The following OTOGL variants were observed in gnomAD, a reference collection of about 807,000 sequenced individuals.
OTOGL encodes the protein otogelin like, also known as otogelin-like protein.
Under a neutral mutation model 318.5 loss-of-function variants are expected in OTOGL, and 285 were observed. The ratio of observed to expected loss-of-function variants is 0.89; its 90% CI spans 0.81 to 0.99. OTOGL has a LOEUF of 0.99. OTOGL is among the 50% of genes least tolerant of loss of function. The pLI is 0.00. For synonymous variants in OTOGL, 987 were observed against 936.5 expected (o/e 1.05, Z -0.99); for missense variants, 2,899 against 2,845.6 (o/e 1.02, Z -0.43).
At chr12:80,328,445 G>T (rs1887843863) in intron 35 of OTOGL, among the ~76,000 whole-genome samples, 1 of 152,192 alleles carries the variant, frequency 6.6e-6, no homozygotes, top group Non-Finnish European at 1.5e-5. Context: ...AATATTCTGT[G>T]TCCAAGTTCT....
At chr12:80,214,373 C>T (rs993661625) in intron 4 of OTOGL, among the ~76,000 whole-genome samples, 2 of 152,204 alleles carry the variant, frequency 1.3e-5, no homozygotes, top group East Asian at 1.9e-4. Flanking sequence ...ATGTAGAATG[C>T]GTCCTAGAAT....
At chr12:80,328,534 T>C in intron 35 of OTOGL, 131 bp from the exon 36 acceptor site, 1 of 662,064 alleles carries the variant, frequency 1.5e-6, no homozygotes, top group Non-Finnish European at 2.6e-6. Context: ...GAGCAGTTGT[T>C]AGTGCTTGAC....
chr12:80,366,530 T>TATATATATAAATAA (rs201357228), intron 52 of OTOGL, 44 bp from the exon 53 acceptor site: 1 of 355,212 alleles, frequency 2.8e-6, no homozygotes, highest in African/African-American at 2.2e-5. Context: ...TATATATATA[T>TATATATATAAATAA]AAAATAAGCT....
chr12:80,326,718 A>G (rs1887697540), intron 35 of OTOGL, among the ~76,000 whole-genome samples: 1 of 152,236 alleles, frequency 6.6e-6, no homozygotes, highest in African/African-American at 2.4e-5. Context: ...GAAATAAATA[A>G]TTAGTTATAT....
intron 1 of OTOGL, among the ~76,000 whole-genome samples, chr12:80,178,480 C>T: frequency 6.6e-6 from 1 of 152,130 alleles, no homozygotes; most frequent in South Asian, 2.1e-4. Flanking sequence ...GCAGATCTTT[C>T]TGTAGTTCTC....
rs2137943812 is a variant in OTOGL at position 80,342,118 on chromosome 12, A to G, written c.5221A>G (p.Ile1741Val). ...TACTGAGCATGATTGCAGCCAGTGC[A>G]TTGATTTATTAAATAGAAGAATTTT... ...NCTEHDCSQC[I>V]DLLNRRIFIP... Residue 1741 changes from isoleucine (I) to valine (V), a missense_variant, in exon 44 of 59, where the codon ATT becomes GTT. Ile to Val is a conservative substitution (Grantham distance 29). This residue lies in a region of OTOGL where 2,607 missense variants were observed against 2,524.9 expected (regional missense o/e 1.03). Transcript: ENST00000547103. The G allele has an allele frequency of 6.3e-7, 1 of 1,598,570 alleles. No individual in the cohort carries two copies. Among genetic ancestry groups the G allele is most frequent in the Non-Finnish European group, 8.5e-7 (1 of 1,171,482 alleles).
chr12:80,200,058 A>T (rs1876352345), intron 1 of OTOGL, among the ~76,000 whole-genome samples: 1 of 152,216 alleles, frequency 6.6e-6, no homozygotes, highest in Admixed American at 6.5e-5. Context: ...CATCATTATC[A>T]TCATTGTCAC....
intron 1 of OTOGL, among the ~76,000 whole-genome samples, chr12:80,191,322 C>T (rs1209789626): frequency 2.6e-5 from 4 of 152,138 alleles, no homozygotes. Context: ...GCTGTAATCC[C>T]AGCTACTCGG....
At chr12:80,310,803 C>T (rs890038948) in intron 30 of OTOGL, 76 bp downstream of exon 30, 11 of 1,153,080 alleles carry the variant, frequency 9.5e-6, no homozygotes, top group South Asian at 5.9e-5. Flanking sequence ...GAACACGACA[C>T]GTAACTGGGT....
chr12:80,214,249 G>A (rs768051262), intron 4 of OTOGL, among the ~76,000 whole-genome samples: 1 of 152,240 alleles, frequency 6.6e-6, no homozygotes, highest in Non-Finnish European at 1.5e-5. Context: ...ACAAATAAAG[G>A]AGAAAGGAAA....
chr12:80,313,892 C>A (rs1308082391), intron 31 of OTOGL, among the ~76,000 whole-genome samples: 1 of 152,056 alleles, frequency 6.6e-6, no homozygotes, highest in Non-Finnish European at 1.5e-5. Context: ...TAAATACCAT[C>A]CTTAGAGAAA....
chr12:80,365,521 A>G (rs963375215), intron 52 of OTOGL, among the ~76,000 whole-genome samples: 2 of 152,144 alleles, frequency 1.3e-5, no homozygotes, highest in African/African-American at 2.4e-5. Flanking sequence ...AAACAGGTAC[A>G]TATGTTACCT....
intron 15 of OTOGL, 55 bp from the exon 16 acceptor site, chr12:80,254,985 C>T (rs1881900424): frequency 2.2e-6 from 3 of 1,337,172 alleles, no homozygotes; most frequent in Admixed American, 7.0e-5. Context: ...CCTCTCTCTC[C>T]TCCTCTATCT....
At chr12:80,154,314 G>T (rs1156300561) in intron 1 of OTOGL, among the ~76,000 whole-genome samples, 2 of 151,896 alleles carry the variant, frequency 1.3e-5, no homozygotes, top group South Asian at 2.1e-4. Context: ...GTTAAAAAGG[G>T]GGGGAAAAAG....
intron 18 of OTOGL, among the ~76,000 whole-genome samples, chr12:80,260,062 G>A (rs1222818322): frequency 6.6e-6 from 1 of 152,042 alleles, no homozygotes; most frequent in Non-Finnish European, 1.5e-5. Flanking sequence ...TAAGAGTTGT[G>A]TCCTTGGTCT....
rs777328039 is a variant in OTOGL, at chr12:80,305,558, G to A, written c.3214-18G>A. On this transcript the variant is annotated intron_variant, in intron 28 of 58. Coordinates refer to ENST00000547103, the MANE Select transcript of OTOGL (RefSeq NM_001378609.3). The stretch of plus-strand genomic sequence containing the variant: ...AAGTGAAAACAGAATATTTCCTGGT[G>A]ATTTTCTCTTACTTTAGAACAAGCT... 5 of 1,504,136 alleles carry A rather than the reference G, an allele frequency of 3.3e-6. No individual in the cohort carries two copies. The South Asian group carries it at 4.1e-5, about 12-fold the overall frequency. The allele number at this position is 1,504,136 out of a possible 1,614,324, so 93.2% of individuals were successfully genotyped here.
chr12:80,211,576 A>G (rs935662626), intron 3 of OTOGL, among the ~76,000 whole-genome samples: 2 of 152,192 alleles, frequency 1.3e-5, no homozygotes, highest in African/African-American at 2.4e-5. Context: ...CTGTTTGAAC[A>G]AAGGGAAGGT....
chr12:80,150,239 T>G (rs576555723), intron 1 of OTOGL, among the ~76,000 whole-genome samples: 10 of 152,254 alleles, frequency 6.6e-5, no homozygotes, highest in Non-Finnish European at 1.2e-4. Context: ...TGAGCCAAAC[T>G]TCTTTCAAGA....
intron 1 of OTOGL, among the ~76,000 whole-genome samples, chr12:80,151,561 C>CA (rs895718711): frequency 2.6e-5 from 4 of 151,882 alleles, no homozygotes; most frequent in East Asian, 3.9e-4. Context: ...GAGTTCTATC[C>CA]AAAAAAAGGA....
Sources: allele counts gnomAD v4.1 joint callset (sites outside exome capture counted in the v4.1 genomes callset), GRCh38; gene constraint gnomAD v4.1.1; regional missense constraint gnomAD v4.1.1; transcripts MANE v1.5; gene names NCBI Gene and HGNC (gene_info 2026-07-23, HGNC 2026-07-21).